Variants in MMS22L observed in about 807,000 individuals in gnomAD.
MMS22L encodes the protein MMS22 like, DNA repair protein.
MMS22L carries 74 observed loss-of-function variants against 159.1 expected under a neutral mutation model. The ratio of observed to expected loss-of-function variants is 0.47; its 90% CI spans 0.39 to 0.56. The LOEUF (loss-of-function observed/expected upper bound fraction) is 0.56, where lower values mean the gene tolerates loss of function less well. MMS22L is among the 20% of genes least tolerant of loss of function. The pLI is 0.00. For missense variants in MMS22L, 1,351 were observed against 1,422.1 expected, an observed-to-expected ratio of 0.95 and a Z score of 0.80; for synonymous variants, 517 against 506.9, an observed-to-expected ratio of 1.02 and a Z score of -0.27.
intron 20 of MMS22L, among the ~76,000 whole-genome samples, chr6:97,165,834 G>C (rs1040016713): frequency 2.0e-5 from 3 of 151,956 alleles, no homozygotes; most frequent in Non-Finnish European, 2.9e-5. Context: ...TCTAGGTACT[G>C]GTTATTTTGT....
chr6:97,182,554 A>G (rs1243966302), intron 15 of MMS22L, among the ~76,000 whole-genome samples: 1 of 152,238 alleles, frequency 6.6e-6, no homozygotes, highest in South Asian at 2.1e-4. Flanking sequence ...TCTAGGAACT[A>G]GAATTCCTTA....
chr6:97,231,421 T>C lies in MMS22L; in HGVS notation c.1529+5A>G, dbSNP rs768370714. The C allele has an allele frequency of 7.5e-6, 12 of 1,601,704 alleles. No homozygotes were observed. The South Asian group carries it at 1.3e-4, about 18-fold the overall frequency. ...CACACTCATGACAGAAGATACTGCA[T>C]ATACCTTCCTTTGACTTGTTTCCAA... On this transcript the variant is annotated splice_donor_5th_base_variant and intron_variant, in intron 13 of 24. Transcript: ENST00000683635.
At chr6:97,155,713 T>C (rs1232482407) in intron 22 of MMS22L, among the ~76,000 whole-genome samples, 2 of 152,220 alleles carry the variant, frequency 1.3e-5, no homozygotes, top group Non-Finnish European at 2.9e-5. Context: ...CAGTCTATCA[T>C]TGATGGGCAT....
At position 97,278,871 on chromosome 6, in the gene MMS22L, C is replaced by G; in HGVS notation, c.318G>C (p.Leu106Phe). 6.2e-7 allele frequency: 1 copy of G among 1,613,072 alleles called. No homozygotes were observed. Among genetic ancestry groups the G allele is most frequent in the Non-Finnish European group, 8.5e-7 (1 of 1,179,630 alleles). ...TACCAAAATCACAACTGGACTGTAACAAGGTTTCCAAGTTGTACAGTTGTT... is the reference window on the plus strand; with the variant it reads ...TACCAAAATCACAACTGGACTGTAAGAAGGTTTCCAAGTTGTACAGTTGTT... ...FRQQLYNLET[L>F]LQSSCDFGKV... The change falls in exon 4 of 25, where the codon TTG becomes TTC. Residue 106 changes from leucine to phenylalanine, a missense_variant. Transcript: ENST00000683635.
chr6:97,277,193 T>C (rs1415058892), intron 4 of MMS22L, among the ~76,000 whole-genome samples: 1 of 152,042 alleles, frequency 6.6e-6, no homozygotes, highest in Non-Finnish European at 1.5e-5. Flanking sequence ...GGTGGGTGGA[T>C]CACAAGGTCA....
At chr6:97,182,121 C>T in intron 15 of MMS22L, 67 bp from the exon 16 acceptor site, 1 of 1,314,884 alleles carries the variant, frequency 7.6e-7, no homozygotes, top group Non-Finnish European at 1.0e-6. Context: ...CCACACACCC[C>T]TGGCCAATTA....
chr6:97,206,984 T>C (rs1208295660), intron 14 of MMS22L, among the ~76,000 whole-genome samples: 2 of 152,132 alleles, frequency 1.3e-5, no homozygotes, highest in Non-Finnish European at 2.9e-5. Context: ...TAACCCTAAG[T>C]TAAAGACAAG....
chr6:97,214,685 G>GT (rs11398586), intron 14 of MMS22L, among the ~76,000 whole-genome samples: 85,087 of 133,760 alleles, frequency 0.64, 27,795 homozygotes, highest in Non-Finnish European at 0.75. Flanking sequence ...TATTTTTTTT[G>GT]TTTTTTTTTT....
At chr6:97,210,063 C>A (rs1179201649) in intron 14 of MMS22L, among the ~76,000 whole-genome samples, 1 of 151,852 alleles carries the variant, frequency 6.6e-6, no homozygotes, top group Non-Finnish European at 1.5e-5. Flanking sequence ...AATCCTTTAT[C>A]CTTCAGATGA....
rs1805965297 is a variant in MMS22L, at chr6:97,192,269, A to G, written c.2040-5579T>C. Among the ~76,000 whole-genome samples, 3 of 152,156 alleles carry G rather than the reference A, an allele frequency of 2.0e-5. No homozygotes were observed. The South Asian group carries it at 6.2e-4, about 32-fold the overall frequency. ...AGAGTTTATTGACTGTTTTGATGAT[A>G]AAGCACAGCAGTGGCAATGATGCTT... On this transcript the variant is annotated intron_variant, in intron 14 of 24. Coordinates refer to ENST00000683635, the MANE Select transcript of MMS22L (RefSeq NM_001350599.2).
At chr6:97,159,005 T>G (rs1187942640) in intron 22 of MMS22L, among the ~76,000 whole-genome samples, 5 of 152,156 alleles carry the variant, frequency 3.3e-5, no homozygotes, top group Admixed American at 3.3e-4. Flanking sequence ...ATTGGGTGCA[T>G]ATACATTTAG....
intron 14 of MMS22L, among the ~76,000 whole-genome samples, chr6:97,206,382 T>TACACAC (rs58135635): frequency 0.062 from 9,132 of 146,722 alleles, 309 homozygotes; most frequent in South Asian, 0.1. Context: ...ACCTCGCATG[T>TACACAC]ACACACACAC....
At chr6:97,224,833 GC>G (rs980549125) in intron 14 of MMS22L, among the ~76,000 whole-genome samples, 1 of 151,326 alleles carries the variant, frequency 6.6e-6, no homozygotes, top group Admixed American at 6.6e-5. Flanking sequence ...TACACTAAAA[GC>G]CCAAATTTTA....
intron 14 of MMS22L, among the ~76,000 whole-genome samples, chr6:97,226,616 T>C (rs1225123481): frequency 6.6e-6 from 1 of 151,838 alleles, no homozygotes; most frequent in Non-Finnish European, 1.5e-5. Context: ...GTATATATTC[T>C]ATATACACAT....
At chr6:97,282,669 T>C (rs967005470) in intron 1 of MMS22L, 116 bp from the exon 2 acceptor site, 13 of 365,954 alleles carry the variant, frequency 3.6e-5, no homozygotes, top group Non-Finnish European at 5.4e-5. Flanking sequence ...AAATTCCCAA[T>C]TCCCCCTCGC....
At chr6:97,207,637 T>A (rs1229874870) in intron 14 of MMS22L, among the ~76,000 whole-genome samples, 1 of 152,094 alleles carries the variant, frequency 6.6e-6, no homozygotes, top group African/African-American at 2.4e-5. Context: ...CTAAGTCAGA[T>A]CTCTGTGTAC....
At chr6:97,238,584 TGTGTGTG>T (rs1811689799) in intron 11 of MMS22L, among the ~76,000 whole-genome samples, 1 of 86,210 alleles carries the variant, frequency 1.2e-5, no homozygotes, top group Non-Finnish European at 3.1e-5. Flanking sequence ...TGTGTGTGTG[TGTGTGTG>T]TGTGTGTGTG....
In MMS22L at chr6:97,161,886, T is replaced by A. The variant is rs1802477938; in HGVS notation, c.3385+116A>T. On this transcript the variant is annotated intron_variant, in intron 22 of 24. Transcript: ENST00000683635. The stretch of plus-strand genomic sequence containing the variant: ...GTTTATTCTTTAACCATGACCCATA[T>A]CAAGAGATATAAAAGAATCACATAT... 9.4e-6 allele frequency: 9 copies of A among 955,678 alleles called. No individual in the cohort carries two copies. In the East Asian group the frequency reaches 2.4e-4, roughly 25 times the overall value. 59.2% of individuals were successfully genotyped at this position (955,678 alleles called of 1,614,324 possible).
At chr6:97,166,693 T>C (rs1292808550) in intron 20 of MMS22L, among the ~76,000 whole-genome samples, 1 of 152,130 alleles carries the variant, frequency 6.6e-6, no homozygotes, top group African/African-American at 2.4e-5. Flanking sequence ...AAACAGATAA[T>C]ACACCAAACT....
Sources: gnomAD v4.1 joint callset for allele counts (sites outside exome capture counted in the v4.1 genomes callset) on GRCh38, gnomAD v4.1.1 for gene constraint, MANE v1.5 for transcripts, NCBI Gene and HGNC (gene_info 2026-07-23, HGNC 2026-07-21) for gene names.